The following KLHL22 variants were observed in gnomAD, a reference collection of about 807,000 sequenced individuals.
KLHL22 encodes kelch like family member 22.
KLHL22 carries 18 observed loss-of-function variants against 60.7 expected under a neutral mutation model. The ratio of observed to expected loss-of-function variants is 0.30; its 90% CI spans 0.20 to 0.44. The LOEUF (loss-of-function observed/expected upper bound fraction) is 0.44. KLHL22 is among the 20% of genes least tolerant of loss of function. The probability of loss-of-function intolerance (pLI) is 1.00; values close to 1 mark genes in which losing one functional copy is unlikely to be tolerated. For synonymous variants in KLHL22, 355 were observed against 354.5 expected (o/e 1.00, Z -0.01); for missense variants, 596 against 852.3 (o/e 0.70, Z 3.74).
At chr22:20,458,522 T>C (rs981710263) in intron 4 of KLHL22, among the ~76,000 whole-genome samples, 13 of 145,084 alleles carry the variant, frequency 9.0e-5, no homozygotes, top group Admixed American at 4.3e-4. Context: ...TCCTCCTGCC[T>C]CAGCCTCAAT....
At chr22:20,450,240 CAGAA>C (rs1252116194) in intron 5 of KLHL22, 3 of 860,798 alleles carry the variant, frequency 3.5e-6, no homozygotes, top group Non-Finnish European at 6.1e-6. Context: ...TTGAGTAGAG[CAGAA>C]AGACTTTCCT....
intron 5 of KLHL22, chr22:20,451,674 G>A: frequency 6.2e-7 from 1 of 1,605,458 alleles, no homozygotes; most frequent in Non-Finnish European, 8.5e-7. Context: ...CAGTGCTTCG[G>A]GGGAGACTCT....
chr22:20,482,839 A>T, intron 2 of KLHL22: 3 of 1,279,812 alleles, frequency 2.3e-6, no homozygotes, highest in Non-Finnish European at 3.4e-6. Flanking sequence ...CTTTGGTGTC[A>T]TTGGTCTCAG....
intron 2 of KLHL22, among the ~76,000 whole-genome samples, chr22:20,474,351 A>G (rs9623544): frequency 0.33 from 50,188 of 151,916 alleles, 8,429 homozygotes; most frequent in East Asian, 0.47. Context: ...CATGTACGCA[A>G]GACTGCCTCA....
chr22:20,457,505 G>A (rs1601337218), intron 5 of KLHL22, among the ~76,000 whole-genome samples: 1 of 152,122 alleles, frequency 6.6e-6, no homozygotes, highest in South Asian at 2.1e-4. Flanking sequence ...GAACTACAAG[G>A]TTTAAGCAGC....
intron 4 of KLHL22, among the ~76,000 whole-genome samples, chr22:20,461,286 G>A (rs1201294247): frequency 6.6e-6 from 1 of 152,190 alleles, no homozygotes; most frequent in Non-Finnish European, 1.5e-5. Flanking sequence ...AGGCACGGTG[G>A]CTCACGCCTG....
At chr22:20,454,787 TG>T (rs1195641037) in intron 5 of KLHL22, among the ~76,000 whole-genome samples, 8 of 152,198 alleles carry the variant, frequency 5.3e-5, no homozygotes, top group African/African-American at 1.9e-4. Flanking sequence ...TCCATGGACT[TG>T]GTATGTCTCT....
chr22:20,488,953 ATTC>A (rs1442517724), intron 2 of KLHL22, 29 bp downstream of exon 2: 2 of 1,601,298 alleles, frequency 1.2e-6, no homozygotes, highest in East Asian at 2.2e-5. Flanking sequence ...TACCTTTGTT[ATTC>A]TTCTTACAAA....
intron 2 of KLHL22, among the ~76,000 whole-genome samples, chr22:20,486,259 C>T (rs1248263463): frequency 2.0e-5 from 3 of 152,018 alleles, no homozygotes; most frequent in African/African-American, 7.2e-5. Context: ...TCTCCCTTTG[C>T]CCTTTGCTGA....
intron 3 of KLHL22, among the ~76,000 whole-genome samples, chr22:20,470,786 A>AGATG (rs361774): frequency 0.28 from 38,995 of 137,328 alleles, 5,551 homozygotes; most frequent in South Asian, 0.35. Context: ...ATGGATGGAT[A>AGATG]GATGGATGGA....
At chr22:20,472,867 G>A (rs191929314) in intron 2 of KLHL22, among the ~76,000 whole-genome samples, 1 of 152,320 alleles carries the variant, frequency 6.6e-6, no homozygotes, top group Non-Finnish European at 1.5e-5. Context: ...TGAGACCTAA[G>A]GATAAGGCTG....
intron 5 of KLHL22, among the ~76,000 whole-genome samples, chr22:20,455,328 G>C (rs1387464370): frequency 6.6e-6 from 1 of 152,160 alleles, no homozygotes; most frequent in East Asian, 1.9e-4. Flanking sequence ...CTTCAGCCCA[G>C]ACCACGCAAT....
At chr22:20,483,470 T>G (rs926852349) in intron 2 of KLHL22, 13 of 750,800 alleles carry the variant, frequency 1.7e-5, no homozygotes, top group Non-Finnish European at 3.0e-5. Context: ...TTCTTCTTCA[T>G]GAAGAGCAGC....
intron 4 of KLHL22, among the ~76,000 whole-genome samples, chr22:20,462,452 T>C (rs1189734653): frequency 6.6e-6 from 1 of 151,822 alleles, no homozygotes; most frequent in African/African-American, 2.4e-5. Context: ...ACTCCTGGAC[T>C]CAAGCGATCC....
chr22:20,463,675 G>C (rs558350473), intron 4 of KLHL22, among the ~76,000 whole-genome samples: 5 of 152,328 alleles, frequency 3.3e-5, no homozygotes, highest in African/African-American at 4.8e-5. Flanking sequence ...ACCCACTGGG[G>C]GCACAACTTT....
chr22:20,470,509 G>A (rs536165387), intron 3 of KLHL22, among the ~76,000 whole-genome samples: 3 of 152,274 alleles, frequency 2.0e-5, no homozygotes, highest in South Asian at 2.1e-4. Flanking sequence ...TTAGCCAGGT[G>A]TAGTGGCACA....
At chr22:20,475,473 C>A (rs1355611477) in intron 2 of KLHL22, among the ~76,000 whole-genome samples, 1 of 151,972 alleles carries the variant, frequency 6.6e-6, no homozygotes, top group African/African-American at 2.4e-5. Context: ...ACTGTTGATC[C>A]ACCTGTAATT....
chr22:20,461,380 C>T (rs563316301), intron 4 of KLHL22, among the ~76,000 whole-genome samples: 5 of 151,448 alleles, frequency 3.3e-5, no homozygotes, highest in South Asian at 2.1e-4. Flanking sequence ...GGTGAAACCC[C>T]GTCTCTACTA....
Position 20,458,082 on chromosome 22 carries a change from A to G in KLHL22, c.1113-82T>C, listed in dbSNP as rs2146199653. ...GGCTTGCACCTCTTGTTCTGGTCCC[A>G]TTTCTGCTTTGCCTCAGCCCAGCCT... On this transcript the variant is annotated intron_variant, in intron 4 of 6. Coordinates refer to ENST00000328879, the MANE Select transcript of KLHL22 (RefSeq NM_032775.4). 8.7e-6 allele frequency: 13 copies of G among 1,495,154 alleles called. No homozygotes were observed. In the South Asian group the frequency reaches 8.9e-5, roughly 10 times the overall value. The allele number at this position is 1,495,154 out of a possible 1,614,324, so 92.6% of individuals were successfully genotyped here.
Sources: allele counts gnomAD v4.1 joint callset (sites outside exome capture counted in the v4.1 genomes callset), GRCh38; gene constraint gnomAD v4.1.1; transcripts MANE v1.5; gene names NCBI Gene and HGNC (gene_info 2026-07-23, HGNC 2026-07-21).